Variants in FBRSL1 observed in about 807,000 individuals in gnomAD.
FBRSL1 encodes fibrosin-1-like protein.
In FBRSL1, 51 loss-of-function variants were observed where a neutral mutation model predicts 89.6. The observed-to-expected ratio is 0.57, with a 90% CI of 0.45 to 0.72. FBRSL1 has a LOEUF of 0.72. Among genes scored for constraint, FBRSL1 ranks in the 30% least tolerant of loss-of-function variants. The probability of loss-of-function intolerance (pLI) is 0.00; values close to 1 mark genes in which losing one functional copy is unlikely to be tolerated. For missense variants in FBRSL1, 1,618 were observed against 1,451.8 expected, an observed-to-expected ratio of 1.11 and a Z score of -1.86; for synonymous variants, 779 against 681.1, an observed-to-expected ratio of 1.14 and a Z score of -2.24.
At chr12:132,504,800 G>C (rs930777545) in intron 1 of FBRSL1, among the ~76,000 whole-genome samples, 3 of 152,140 alleles carry the variant, frequency 2.0e-5, no homozygotes, top group East Asian at 1.9e-4. Context: ...TGGTCACTGC[G>C]ACCAACTCAT....
intron 4 of FBRSL1, among the ~76,000 whole-genome samples, chr12:132,530,351 A>G (rs2036156977): frequency 6.6e-6 from 1 of 152,110 alleles, no homozygotes; most frequent in South Asian, 2.1e-4. Flanking sequence ...TGGCCCCCAC[A>G]TAGGTGCCAG....
Position 132,581,752 on chromosome 12 carries a change from A to G in FBRSL1, c.1924A>G (p.Arg642Gly). The G allele has an allele frequency of 2.6e-6, 4 of 1,550,122 alleles. No individual in the cohort carries two copies. The highest frequency in any genetic ancestry group is 3.5e-6 in the Non-Finnish European group (4 of 1,146,830). Residue 642 changes from arginine to glycine, a missense_variant, in exon 17 of 19, where the codon AGA (arginine) becomes GGA (glycine). Coordinates refer to ENST00000680143, the MANE Select transcript of FBRSL1 (RefSeq NM_001367871.1). Reference protein sequence around the residue: ...PTGPLTDPFSRPSTFGGLGSL... With the variant: ...PTGPLTDPFSGPSTFGGLGSL... ...GGTTGCCCCCACAGACCCTTTCAGC[A>G]GACCGAGCACCTTTGGGGGCCTGGG...
intron 5 of FBRSL1, among the ~76,000 whole-genome samples, chr12:132,560,716 C>T (rs963251069): frequency 3.3e-5 from 5 of 152,176 alleles, no homozygotes; most frequent in African/African-American, 1.2e-4. Flanking sequence ...CTCGCGGGGG[C>T]TGAGGCTTGC....
chr12:132,561,544 G>A (rs370328995), intron 5 of FBRSL1, among the ~76,000 whole-genome samples: 3 of 152,286 alleles, frequency 2.0e-5, no homozygotes, highest in East Asian at 3.9e-4. Context: ...GTCAAACTGC[G>A]GGCTAAGCTG....
rs554522503 is a variant in FBRSL1, at chr12:132,510,621, C to T, written c.489+2271C>T. 4.9e-5 allele frequency: 60 copies of T among 1,229,570 alleles called. No individual in the cohort carries two copies. The African/African-American group carries it at 7.7e-4, about 16-fold the overall frequency. 76.2% of individuals were successfully genotyped at this position (1,229,570 alleles called of 1,614,324 possible). A position where few individuals can be genotyped will look rare whatever the true frequency, so the allele number is the denominator to read the frequency against. Reference sequence around the variant, plus strand: ...CTGTTTGTCGTTGGAAATTGAGGCTCGGCCAGAGGCGGGAGCCCCTACAGT... The same window carrying T: ...CTGTTTGTCGTTGGAAATTGAGGCTTGGCCAGAGGCGGGAGCCCCTACAGT... On this transcript the variant is annotated intron_variant, in intron 2 of 18. Transcript: ENST00000680143.
At chr12:132,528,698 T>C (rs1178944422) in intron 4 of FBRSL1, among the ~76,000 whole-genome samples, 3 of 148,448 alleles carry the variant, frequency 2.0e-5, no homozygotes, top group Admixed American at 6.7e-5. Flanking sequence ...AGTGTGTGCC[T>C]GAGAGAAGCA....
intron 1 of FBRSL1, among the ~76,000 whole-genome samples, chr12:132,492,634 C>A (rs2136303057): frequency 6.6e-6 from 1 of 152,374 alleles, no homozygotes; most frequent in South Asian, 2.1e-4. Context: ...GGCTGTCCAC[C>A]TGCTCTGGCA....
Position 132,490,857 on chromosome 12 carries a change from T to G in FBRSL1, c.287T>G (p.Leu96Arg). Residue 96 changes from leucine to arginine, a missense_variant, in exon 1 of 19, where the codon CTG becomes CGG. Transcript: ENST00000680143. ...AIASFSTLEA[L>R]EKDMALKPHE... ...GCCAGCTTCAGCACCCTGGAGGCCCTGGAGGTAGGTGGACGGGTGCGGCTT... is the reference window on the plus strand; with the variant it reads ...GCCAGCTTCAGCACCCTGGAGGCCCGGGAGGTAGGTGGACGGGTGCGGCTT... The G allele has an allele frequency of 7.2e-7, 1 of 1,394,474 alleles. No individual in the cohort carries two copies. Among genetic ancestry groups the G allele is most frequent in the Non-Finnish European group, 9.4e-7 (1 of 1,068,372 alleles). The allele number at this position is 1,394,474 out of a possible 1,614,324, so 86.4% of individuals were successfully genotyped here. A position where few individuals can be genotyped will look rare whatever the true frequency, so the allele number is the denominator to read the frequency against.
intron 1 of FBRSL1, 58 bp downstream of exon 1, chr12:132,490,919 C>T: frequency 8.8e-7 from 1 of 1,136,032 alleles, no homozygotes; most frequent in Non-Finnish European, 1.1e-6. Context: ...CCGGAGTTGA[C>T]GCGTCGGGCG....
chr12:132,528,128 CT>C, intron 4 of FBRSL1, 140 bp downstream of exon 4: 1 of 771,300 alleles, frequency 1.3e-6, no homozygotes. Context: ...CAGACTGGTT[CT>C]GGCCTCAAAC....
At chr12:132,565,752 C>A (rs2039568183) in intron 5 of FBRSL1, 1 of 152,282 alleles carries the variant, frequency 6.6e-6, no homozygotes, top group Admixed American at 6.5e-5. Context: ...CAGAGTGTCC[C>A]CCATCTCTCC....
chr12:132,580,914 T>TG lies in FBRSL1; in HGVS notation c.1835-519dup, dbSNP rs571046705. On this transcript the variant is annotated intron_variant, in intron 15 of 18. Transcript: ENST00000680143. ...CACACGGTTGCTCTCCAAGGGTTGT[T>TG]GGGGGGCCAGGGCTGATGTTGACGT... is the stretch of plus-strand genomic sequence containing the variant. The TG allele has an allele frequency of 1.2e-4, 119 of 985,396 alleles. 2 individuals are homozygous for TG. The South Asian group carries it at 4.6e-3, about 38-fold the overall frequency. The allele number at this position is 985,396 out of a possible 1,614,324, so 61.0% of individuals were successfully genotyped here.
intron 4 of FBRSL1, among the ~76,000 whole-genome samples, chr12:132,532,031 C>A (rs565267388): frequency 2.0e-5 from 3 of 152,118 alleles, no homozygotes; most frequent in Non-Finnish European, 4.4e-5. Context: ...GCTAGTGGAT[C>A]GATTAGACAG....
chr12:132,536,373 GGT>G (rs889510456), intron 4 of FBRSL1, among the ~76,000 whole-genome samples: 31 of 151,706 alleles, frequency 2.0e-4, no homozygotes, highest in African/African-American at 7.3e-4. Context: ...TGTACATGAT[GGT>G]GTGTGTGCCA....
intron 5 of FBRSL1, among the ~76,000 whole-genome samples, chr12:132,562,285 G>A (rs905802149): frequency 6.6e-6 from 1 of 152,082 alleles, no homozygotes; most frequent in Non-Finnish European, 1.5e-5. Context: ...AGAGGTTCCT[G>A]TCCTTCTTTC....
At chr12:132,564,096 C>A (rs1054215350) in intron 5 of FBRSL1, among the ~76,000 whole-genome samples, 5 of 152,246 alleles carry the variant, frequency 3.3e-5, no homozygotes, top group African/African-American at 9.6e-5. Flanking sequence ...CTGAGGCTCA[C>A]AGAGCGCGTG....
chr12:132,583,011 C>A lies in FBRSL1; in HGVS notation c.2242C>A (p.Pro748Thr). 6.9e-7 allele frequency: 1 copy of A among 1,455,994 alleles called. No homozygotes were observed. Among genetic ancestry groups the A allele is most frequent in the South Asian group, 1.3e-5 (1 of 75,594 alleles). The allele number at this position is 1,455,994 out of a possible 1,614,324, so 90.2% of individuals were successfully genotyped here. ...EKTRLLSRAS[P>T]ATPAGHPVSG... The stretch of plus-strand genomic sequence containing the variant: ...GACGCGCCTGCTGAGCCGGGCCTCG[C>A]CCGCCACCCCCGCTGGCCACCCCGT... The change falls in exon 19 of 19, where the codon CCC becomes ACC. Residue 748 changes from proline (P) to threonine (T), a missense_variant. By Grantham distance (38) the Pro-to-Thr change is conservative. Transcript: ENST00000680143.
chr12:132,564,450 A>C (rs184055054), intron 5 of FBRSL1, among the ~76,000 whole-genome samples: 3 of 97,952 alleles, frequency 3.1e-5, no homozygotes, highest in Admixed American at 2.6e-4. Flanking sequence ...TGGGCTGGCT[A>C]CGCCTGGTGA....
At chr12:132,563,965 C>T (rs1461541914) in intron 5 of FBRSL1, among the ~76,000 whole-genome samples, 2 of 150,382 alleles carry the variant, frequency 1.3e-5, no homozygotes, top group South Asian at 2.1e-4. Context: ...CCACCCCCGT[C>T]GCCCCGAACC....
Sources: allele counts gnomAD v4.1 joint callset (sites outside exome capture counted in the v4.1 genomes callset), GRCh38; gene constraint gnomAD v4.1.1; transcripts MANE v1.5; gene names NCBI Gene and HGNC (gene_info 2026-07-23, HGNC 2026-07-21).